Variants in PTGFRN observed in about 807,000 individuals in gnomAD.
PTGFRN encodes the protein prostaglandin F2 receptor negative regulator.
Under a neutral mutation model 83.2 loss-of-function variants are expected in PTGFRN, and 35 were observed. The observed-to-expected ratio is 0.42, with a 90% CI of 0.32 to 0.56. The LOEUF (loss-of-function observed/expected upper bound fraction) is 0.56. Ranked by LOEUF, PTGFRN falls within the 20% of genes least tolerant of loss-of-function variation. The probability of loss-of-function intolerance (pLI) is 0.11; values close to 1 mark genes in which losing one functional copy is unlikely to be tolerated. For synonymous variants in PTGFRN, 519 were observed against 498.6 expected (o/e 1.04, Z -0.55); for missense variants, 1,051 against 1,179.5 (o/e 0.89, Z 1.60).
chr1:116,922,109 T>C (rs1302832936), intron 1 of PTGFRN, among the ~76,000 whole-genome samples: 6 of 152,074 alleles, frequency 3.9e-5, no homozygotes, highest in African/African-American at 1.4e-4. Flanking sequence ...CTGAAAGATG[T>C]TGGCAGCATC....
chr1:116,970,928 A>G (rs1204741616), intron 6 of PTGFRN, among the ~76,000 whole-genome samples: 1 of 152,230 alleles, frequency 6.6e-6, no homozygotes, highest in South Asian at 2.1e-4. Flanking sequence ...TACTGATTCA[A>G]AGTGTCAAGA....
chr1:116,929,297 T>A (rs996481567), intron 1 of PTGFRN, among the ~76,000 whole-genome samples: 5 of 152,212 alleles, frequency 3.3e-5, no homozygotes, highest in African/African-American at 1.2e-4. Context: ...AAGGCCGGTG[T>A]TCATCAGCTT....
intron 6 of PTGFRN, among the ~76,000 whole-genome samples, chr1:116,968,705 C>T (rs1316406777): frequency 6.6e-6 from 1 of 152,142 alleles, no homozygotes; most frequent in Non-Finnish European, 1.5e-5. Context: ...TAATCATTCC[C>T]ATGCCCCCAT....
chr1:116,915,949 G>A (rs1649394507), intron 1 of PTGFRN, among the ~76,000 whole-genome samples: 1 of 152,186 alleles, frequency 6.6e-6, no homozygotes, highest in Admixed American at 6.5e-5. Context: ...CACAGTCAGT[G>A]GTTTTTTCGA....
intron 4 of PTGFRN, among the ~76,000 whole-genome samples, chr1:116,951,854 TATGTAATGTG>T (rs1650362269): frequency 6.6e-6 from 1 of 152,148 alleles, no homozygotes; most frequent in Non-Finnish European, 1.5e-5. Context: ...TGTCTCTAGA[TATGTAATGTG>T]CATGTATATG....
intron 2 of PTGFRN, among the ~76,000 whole-genome samples, chr1:116,943,024 A>C (rs1650098483): frequency 6.6e-6 from 1 of 152,210 alleles, no homozygotes; most frequent in Non-Finnish European, 1.5e-5. Context: ...TTAATTATGC[A>C]TTTATTTGTA....
chr1:116,934,646 A>C (rs577713296), intron 1 of PTGFRN, among the ~76,000 whole-genome samples: 1 of 151,962 alleles, frequency 6.6e-6, no homozygotes, highest in Non-Finnish European at 1.5e-5. Context: ...GATAAAACCA[A>C]TATCTGGATC....
At chr1:116,932,497 G>C (rs1649823739) in intron 1 of PTGFRN, among the ~76,000 whole-genome samples, 1 of 152,152 alleles carries the variant, frequency 6.6e-6, no homozygotes, top group African/African-American at 2.4e-5. Flanking sequence ...TATGATTTTG[G>C]AATAAAGTTC....
intron 6 of PTGFRN, among the ~76,000 whole-genome samples, chr1:116,968,328 A>T (rs1398596360): frequency 6.6e-6 from 1 of 152,172 alleles, no homozygotes; most frequent in Non-Finnish European, 1.5e-5. Flanking sequence ...ATTAGCATTT[A>T]TATTAAAGGT....
chr1:116,940,102 G>A (rs1411722153), intron 1 of PTGFRN, among the ~76,000 whole-genome samples: 2 of 152,122 alleles, frequency 1.3e-5, no homozygotes, highest in Non-Finnish European at 2.9e-5. Context: ...TTAAACCAGT[G>A]AAAAAAGAGT....
chr1:116,971,327 T>C (rs1261907236), intron 6 of PTGFRN, among the ~76,000 whole-genome samples: 1 of 151,934 alleles, frequency 6.6e-6, no homozygotes, highest in Non-Finnish European at 1.5e-5. Flanking sequence ...CTGTAACTTT[T>C]GCTTTCATTA....
rs1351699575 is a variant in PTGFRN at position 116,944,711 on chromosome 1, G to C, written c.451G>C (p.Ala151Pro). ...CGACTCCCTGCACGTGGGCCCCAGCGCGCGGCCCCCGCCGAGCCTGAGCCT... is the reference window on the plus strand; with the variant it reads ...CGACTCCCTGCACGTGGGCCCCAGCCCGCGGCCCCCGCCGAGCCTGAGCCT... ...LADSLHVGPS[A>P]RPPPSLSLRE... Residue 151 changes from alanine (A) to proline (P), a missense_variant, in exon 3 of 9, where the codon GCG becomes CCG. By Grantham distance (27) the Ala-to-Pro change is conservative. Transcript: ENST00000393203. 1 of 1,421,988 alleles carries C rather than the reference G, an allele frequency of 7.0e-7. No homozygotes were observed. The highest frequency in any genetic ancestry group is 9.1e-7 in the Non-Finnish European group (1 of 1,093,944). 88.1% of individuals were successfully genotyped at this position (1,421,988 alleles called of 1,614,324 possible). A position where few individuals can be genotyped will look rare whatever the true frequency, so the allele number is the denominator to read the frequency against.
At chr1:116,960,199 G>A (rs1650611450) in intron 4 of PTGFRN, among the ~76,000 whole-genome samples, 1 of 152,164 alleles carries the variant, frequency 6.6e-6, no homozygotes, top group Non-Finnish European at 1.5e-5. Context: ...AGGACCAGGT[G>A]ACATTGAAGA....
Position 116,958,284 on chromosome 1 carries a change from G to T in PTGFRN, c.1214-2959G>T, listed in dbSNP as rs1315505746. On this transcript the variant is annotated intron_variant, in intron 4 of 8. Transcript: ENST00000393203. The surrounding 1 kb of genome is among the most constrained non-coding windows in gnomAD (Gnocchi z 4.9). ...AGGGCCTGCAGGGAGCTGTCTTCTG[G>T]GTCACATTCCCTGTGGCAGTAACTT... is the stretch of plus-strand genomic sequence containing the variant. Among the ~76,000 whole-genome samples the T allele has an allele frequency of 6.6e-6, 1 of 152,112 alleles. No homozygotes were observed. Among genetic ancestry groups the T allele is most frequent in the East Asian group, 1.9e-4 (1 of 5,198 alleles).
rs762074305 is a variant in PTGFRN, at chr1:116,974,202, T to C, written c.2060-14T>C. On this transcript the variant is annotated splice_polypyrimidine_tract_variant and intron_variant, in intron 6 of 8. Coordinates refer to ENST00000393203, the MANE Select transcript of PTGFRN (RefSeq NM_020440.4). ...TGAAAGAGAATAATGAGGCTGGCAT[T>C]ACTTTTTTTCCAGGTCCTATATTTA... The C allele has an allele frequency of 6.4e-7, 1 of 1,553,494 alleles. No homozygotes were observed. Among genetic ancestry groups the C allele is most frequent in the Non-Finnish European group, 8.9e-7 (1 of 1,125,818 alleles).
chr1:116,931,966 G>T (rs1649814085), intron 1 of PTGFRN, among the ~76,000 whole-genome samples: 1 of 152,140 alleles, frequency 6.6e-6, no homozygotes, highest in African/African-American at 2.4e-5. Context: ...CTGTACCACT[G>T]GATTCAATAA....
At position 116,961,217 on chromosome 1, in the gene PTGFRN, T is replaced by C. The variant is rs767787666; in HGVS notation, c.1214-26T>C. 1.4e-5 allele frequency: 21 copies of C among 1,502,540 alleles called. No individual in the cohort carries two copies. The highest frequency in any genetic ancestry group is 3.6e-4 in the Middle Eastern group (2 of 5,584). 93.1% of individuals were successfully genotyped at this position (1,502,540 alleles called of 1,614,324 possible). Reference sequence around the variant, plus strand: ...CCATGTTACTCTAATTATTTTCCTATCCTGGCCTTTCTGTCTCTCGTTCAG... The same window carrying C: ...CCATGTTACTCTAATTATTTTCCTACCCTGGCCTTTCTGTCTCTCGTTCAG... On this transcript the variant is annotated intron_variant, in intron 4 of 8. Coordinates refer to ENST00000393203, the MANE Select transcript of PTGFRN (RefSeq NM_020440.4). This position sits in a 1 kb window ranked among gnomAD's most constrained non-coding sequence, Gnocchi z 5.4.
chr1:116,944,889 G>C lies in PTGFRN; in HGVS notation c.629G>C (p.Gly210Ala). The part of the protein sequence containing the change: ...THEGRFHPGL[G>A]YEQRYHSGDV... ...GAGGGCAGGTTCCACCCGGGCCTGG[G>C]GTACGAGCAGCGCTACCACAGTGGG... The change falls in exon 3 of 9, where the codon GGG becomes GCG. Residue 210 changes from glycine to alanine, a missense_variant. By Grantham distance (60) the Gly-to-Ala change is moderately conservative. Around this residue, in one of 3 missense-constraint regions of PTGFRN, gnomAD observed 205 missense variants for 174.5 expected, o/e 1.17. Coordinates refer to ENST00000393203, the MANE Select transcript of PTGFRN (RefSeq NM_020440.4). 1 of 1,610,820 alleles carries C rather than the reference G, an allele frequency of 6.2e-7. No homozygotes were observed. The highest frequency in any genetic ancestry group is 8.5e-7 in the Non-Finnish European group (1 of 1,179,476).
chr1:116,944,926 C>T lies in PTGFRN; in HGVS notation c.666C>T (p.Leu222=), dbSNP rs768573793. ...EQRYHSGDVR[L]DTVGSDAYRL... is the part of the protein sequence containing the mutation. The stretch of plus-strand genomic sequence containing the variant: ...GCTACCACAGTGGGGACGTGCGCCT[C>T]GACACCGTGGGCAGCGACGCCTACC... The change falls in exon 3 of 9, where the codon CTC becomes CTT. Residue 222 remains leucine (L), a synonymous_variant. Coordinates refer to ENST00000393203, the MANE Select transcript of PTGFRN (RefSeq NM_020440.4). 1.6e-5 allele frequency: 25 copies of T among 1,612,772 alleles called. No individual in the cohort carries two copies. The highest frequency in any genetic ancestry group is 5.5e-5 in the South Asian group (5 of 91,076).
Sources: allele counts gnomAD v4.1 joint callset (sites outside exome capture counted in the v4.1 genomes callset), GRCh38; gene constraint gnomAD v4.1.1; regional missense constraint gnomAD v4.1.1; non-coding constraint Gnocchi (gnomAD v3.1); transcripts MANE v1.5; gene names NCBI Gene and HGNC (gene_info 2026-07-23, HGNC 2026-07-21).